The following MNAT1 variants were observed in gnomAD, a reference collection of about 807,000 sequenced individuals.
MNAT1 encodes the protein MNAT1 component of CDK activating kinase, also known as CDK-activating kinase assembly factor MAT1.
A neutral mutation model predicts 42.0 loss-of-function variants in MNAT1; 43 were observed. That is an observed-to-expected ratio of 1.02 (90% CI 0.80 to 1.32). The LOEUF is 1.32. MNAT1 is among the 40% of genes most tolerant of loss of function. The pLI, the probability that MNAT1 is intolerant of heterozygous loss-of-function variation, is 0.00. For missense variants in MNAT1, 306 were observed against 350.4 expected (o/e 0.87, Z 1.01); for synonymous variants, 118 against 120.0 (o/e 0.98, Z 0.11).
At chr14:60,833,793 T>G (rs918178293) in intron 6 of MNAT1, among the ~76,000 whole-genome samples, 2 of 152,212 alleles carry the variant, frequency 1.3e-5, no homozygotes, top group African/African-American at 4.8e-5. Context: ...CAGCTGTGAA[T>G]CTGTATGTTC....
At position 60,891,145 on chromosome 14, in the gene MNAT1, G is replaced by A. The variant is rs550612257; in HGVS notation, c.809+11310G>A. Among the ~76,000 whole-genome samples the A allele has an allele frequency of 5.3e-5, 8 of 152,016 alleles. No individual in the cohort carries two copies. In the South Asian group the frequency reaches 1.0e-3, roughly 20 times the overall value. On this transcript the variant is annotated intron_variant, in intron 7 of 7. Coordinates refer to ENST00000261245, the MANE Select transcript of MNAT1 (RefSeq NM_002431.4). ...TAATAATGGCTCCACTTTCATTTCT[G>A]ATTTTAGTAATTTAAGTCTTCTCTC... is the stretch of plus-strand genomic sequence containing the variant.
At chr14:60,928,343 T>G (rs1023624927) in intron 7 of MNAT1, among the ~76,000 whole-genome samples, 3 of 152,188 alleles carry the variant, frequency 2.0e-5, no homozygotes, top group Non-Finnish European at 4.4e-5. Flanking sequence ...TCATACTGTT[T>G]GCATGTATGT....
intron 1 of MNAT1, among the ~76,000 whole-genome samples, chr14:60,759,462 T>C (rs1245901685): frequency 6.6e-6 from 1 of 152,212 alleles, no homozygotes; most frequent in Admixed American, 6.5e-5. Flanking sequence ...GGAGACATCA[T>C]GTAAAAATTT....
At chr14:60,939,900 A>G (rs1276146315) in intron 7 of MNAT1, among the ~76,000 whole-genome samples, 3 of 152,126 alleles carry the variant, frequency 2.0e-5, no homozygotes, top group Non-Finnish European at 4.4e-5. Flanking sequence ...GACGTGCTTT[A>G]TGAATCTGGG....
intron 1 of MNAT1, among the ~76,000 whole-genome samples, chr14:60,760,165 A>G (rs1216224900): frequency 6.6e-6 from 1 of 152,254 alleles, no homozygotes; most frequent in Non-Finnish European, 1.5e-5. Flanking sequence ...TGAAATTTGC[A>G]GAAATGGAAT....
At position 60,858,275 on chromosome 14, in the gene MNAT1, C is replaced by T. The variant is rs539383401; in HGVS notation, c.688-21439C>T. On this transcript the variant is annotated intron_variant, in intron 6 of 7. Transcript: ENST00000261245. ...TTTTAATGATTGCCATTCTCACTGG[C>T]ATGAGATGGTATCTCATTGTGGTTT... Among the ~76,000 whole-genome samples the T allele has an allele frequency of 5.1e-3, 781 of 152,252 alleles. 15 individuals are homozygous for T. The highest frequency in any genetic ancestry group is 0.018 in the African/African-American group (732 of 41,556).
At chr14:60,893,409 G>T (rs1477199232) in intron 7 of MNAT1, among the ~76,000 whole-genome samples, 1 of 151,502 alleles carries the variant, frequency 6.6e-6, no homozygotes, top group East Asian at 1.9e-4. Context: ...CTTATCTTTG[G>T]GTTTGATTCT....
chr14:60,824,284 C>T (rs774215973), intron 6 of MNAT1, among the ~76,000 whole-genome samples: 4 of 152,148 alleles, frequency 2.6e-5, no homozygotes, highest in African/African-American at 4.8e-5. Context: ...TCCCCAACTG[C>T]CCATCCAGCT....
intron 1 of MNAT1, among the ~76,000 whole-genome samples, chr14:60,744,445 T>C (rs1317690812): frequency 6.6e-6 from 1 of 152,194 alleles, no homozygotes; most frequent in Non-Finnish European, 1.5e-5. Flanking sequence ...TCAGGGTTGG[T>C]TTCTATTGAC....
chr14:60,861,941 A>G (rs965002256), intron 6 of MNAT1, among the ~76,000 whole-genome samples: 5 of 152,212 alleles, frequency 3.3e-5, no homozygotes, highest in Non-Finnish European at 5.9e-5. Context: ...GCAGTCTTGT[A>G]TATCAGAGTC....
chr14:60,831,573 A>G (rs1415663989), intron 6 of MNAT1, among the ~76,000 whole-genome samples: 2 of 152,136 alleles, frequency 1.3e-5, no homozygotes, highest in African/African-American at 2.4e-5. Context: ...CATCCAGTCT[A>G]TCATTGATGG....
intron 6 of MNAT1, among the ~76,000 whole-genome samples, chr14:60,836,452 T>C (rs1466400691): frequency 1.3e-5 from 2 of 152,232 alleles, no homozygotes; most frequent in Admixed American, 1.3e-4. Flanking sequence ...ATGTTGATGC[T>C]ATTCTTTTCT....
At chr14:60,851,941 C>A (rs1167237506) in intron 6 of MNAT1, among the ~76,000 whole-genome samples, 2 of 152,044 alleles carry the variant, frequency 1.3e-5, no homozygotes, top group Admixed American at 6.6e-5. Flanking sequence ...TTTCTTTATC[C>A]AGTCTATCAT....
At chr14:60,799,336 T>C in intron 3 of MNAT1, 1 of 985,314 alleles carries the variant, frequency 1.0e-6, no homozygotes, top group Non-Finnish European at 1.2e-6. Flanking sequence ...AAAGTTAGAA[T>C]GTAGACTGAG....
At chr14:60,748,610 G>A (rs1248139898) in intron 1 of MNAT1, among the ~76,000 whole-genome samples, 1 of 152,110 alleles carries the variant, frequency 6.6e-6, no homozygotes, top group Non-Finnish European at 1.5e-5. Flanking sequence ...CATTAGCCTA[G>A]ACCTACACAG....
At chr14:60,893,419 T>C (rs1394775455) in intron 7 of MNAT1, among the ~76,000 whole-genome samples, 1 of 152,218 alleles carries the variant, frequency 6.6e-6, no homozygotes, top group East Asian at 1.9e-4. Flanking sequence ...GGTTTGATTC[T>C]GTTGACTGTT....
At chr14:60,924,503 G>C (rs2035726577) in intron 7 of MNAT1, among the ~76,000 whole-genome samples, 1 of 151,526 alleles carries the variant, frequency 6.6e-6, no homozygotes, top group East Asian at 1.9e-4. Context: ...AATAAATTGA[G>C]ACAGTGGTTT....
intron 7 of MNAT1, among the ~76,000 whole-genome samples, chr14:60,951,793 T>G (rs1333940356): frequency 1.3e-5 from 2 of 152,188 alleles, no homozygotes; most frequent in Non-Finnish European, 2.9e-5. Context: ...TGTGAATTTT[T>G]TTTTAGTGGG....
chr14:60,933,864 T>C (rs976282829), intron 7 of MNAT1, among the ~76,000 whole-genome samples: 3 of 152,266 alleles, frequency 2.0e-5, no homozygotes, highest in East Asian at 3.9e-4. Flanking sequence ...GTCTGGAAGA[T>C]TTAAGGGTTA....
Sources: gnomAD v4.1 joint callset for allele counts (sites outside exome capture counted in the v4.1 genomes callset) on GRCh38, gnomAD v4.1.1 for gene constraint, MANE v1.5 for transcripts, NCBI Gene and HGNC (gene_info 2026-07-23, HGNC 2026-07-21) for gene names.